EXD3: variants seen among roughly 807,000 people sequenced by gnomAD.
The protein encoded by EXD3 is exonuclease 3'-5' domain containing 3.
In EXD3, 92 loss-of-function variants were observed where a neutral mutation model predicts 98.0. The observed-to-expected ratio is 0.94, with a 90% CI of 0.79 to 1.12. The LOEUF (loss-of-function observed/expected upper bound fraction) is 1.12, where lower values mean the gene tolerates loss of function less well. Ranked by LOEUF, EXD3 falls within the 50% of genes most tolerant of loss-of-function variation. EXD3 has a pLI of 0.00. For synonymous variants in EXD3, 569 were observed against 526.0 expected, an observed-to-expected ratio of 1.08 and a Z score of -1.12; for missense variants, 1,222 against 1,191.6, an observed-to-expected ratio of 1.03 and a Z score of -0.38.
chr9:137,417,112 C>T (rs947827216), intron 1 of EXD3, among the ~76,000 whole-genome samples: 1 of 152,216 alleles, frequency 6.6e-6, no homozygotes, highest in African/African-American at 2.4e-5. Flanking sequence ...CGGGCAAAGC[C>T]GGGGCCGCGT....
intron 13 of EXD3, 80 bp from the exon 14 acceptor site, chr9:137,351,227 C>T: frequency 1.3e-6 from 2 of 1,535,378 alleles, no homozygotes; most frequent in South Asian, 2.4e-5. Context: ...GCACCCAGCA[C>T]CCTCCCCGGG....
At chr9:137,334,324 G>A (rs554689093) in intron 17 of EXD3, among the ~76,000 whole-genome samples, 1 of 152,256 alleles carries the variant, frequency 6.6e-6, no homozygotes, top group Non-Finnish European at 1.5e-5. Flanking sequence ...TTATAGCAAT[G>A]TGAGAAGGGA....
chr9:137,360,024 C>T (rs79163524), intron 7 of EXD3, among the ~76,000 whole-genome samples: 2,084 of 86,728 alleles, frequency 0.024, 638 homozygotes, highest in African/African-American at 0.063. Flanking sequence ...ACCAGCAGTG[C>T]GTGAGGGTTC....
chr9:137,347,354 T>C lies in EXD3; in HGVS notation c.1998+717A>G, dbSNP rs1414880577. 6.6e-6 allele frequency among the ~76,000 whole-genome samples: 1 copy of C among 152,202 alleles called. No homozygotes were observed. Among genetic ancestry groups the C allele is most frequent in the Non-Finnish European group, 1.5e-5 (1 of 68,038 alleles). The stretch of plus-strand genomic sequence containing the variant: ...TGTGGCTGTTGGACTGAGGTTTCCT[T>C]GTGCGGCGTCCTCCATCTTCAAGCC... On this transcript the variant is annotated intron_variant, in intron 17 of 21. Transcript: ENST00000340951. The surrounding 1 kb of genome is among the most constrained non-coding windows in gnomAD (Gnocchi z 4.2).
rs1355588235 is a variant in EXD3 at position 137,403,286 on chromosome 9, C to T, written c.-47-7882G>A. Among the ~76,000 whole-genome samples, 1 of 152,016 alleles carries T rather than the reference C, an allele frequency of 6.6e-6. No homozygotes were observed. The highest frequency in any genetic ancestry group is 1.5e-5 in the Non-Finnish European group (1 of 68,000). On this transcript the variant is annotated intron_variant, in intron 1 of 21. Transcript: ENST00000340951. This position sits in a 1 kb window ranked among gnomAD's most constrained non-coding sequence, Gnocchi z 6.1. The stretch of plus-strand genomic sequence containing the variant: ...GTGACCTGAGGGGCCCCAGAAGATG[C>T]AGACCCGAACGCGTCTCCTCCCGGC...
At chr9:137,412,520 C>T (rs964258451) in intron 1 of EXD3, among the ~76,000 whole-genome samples, 10 of 152,234 alleles carry the variant, frequency 6.6e-5, no homozygotes, top group African/African-American at 9.6e-5. Context: ...AACAGCCCCG[C>T]GGCCACCACT....
At chr9:137,388,982 C>G (rs1473597286) in intron 2 of EXD3, among the ~76,000 whole-genome samples, 1 of 152,204 alleles carries the variant, frequency 6.6e-6, no homozygotes, top group Non-Finnish European at 1.5e-5. Flanking sequence ...CAGCTCCCCT[C>G]AGAGACCCCA....
intron 2 of EXD3, among the ~76,000 whole-genome samples, chr9:137,388,565 A>C (rs957522431): frequency 6.6e-6 from 1 of 152,086 alleles, no homozygotes; most frequent in African/African-American, 2.4e-5. Flanking sequence ...CTTTTTATCC[A>C]CAGGGTTGGG....
chr9:137,368,880 C>T (rs1173318461), intron 5 of EXD3, among the ~76,000 whole-genome samples: 4 of 141,660 alleles, frequency 2.8e-5, no homozygotes, highest in East Asian at 2.2e-4. Context: ...TGGGGAGGGG[C>T]GAAGGTCCGG....
chr9:137,328,008 T>G (rs1832556807), intron 17 of EXD3, among the ~76,000 whole-genome samples: 1 of 152,084 alleles, frequency 6.6e-6, no homozygotes, highest in Non-Finnish European at 1.5e-5. Context: ...GTAAAACAAC[T>G]AATATACTCC....
intron 2 of EXD3, chr9:137,392,708 G>T: frequency 2.8e-6 from 1 of 353,182 alleles, no homozygotes; most frequent in Non-Finnish European, 5.5e-6. Context: ...GTTCTGGGGG[G>T]GCTGTGTCTG....
At chr9:137,334,424 A>T (rs1365841910) in intron 17 of EXD3, among the ~76,000 whole-genome samples, 2 of 152,212 alleles carry the variant, frequency 1.3e-5, no homozygotes, top group Non-Finnish European at 2.9e-5. Context: ...CCAGAAATAA[A>T]GCCAAATACT....
chr9:137,413,219 G>C (rs1447408282), intron 1 of EXD3, among the ~76,000 whole-genome samples: 1 of 149,346 alleles, frequency 6.7e-6, no homozygotes, highest in Non-Finnish European at 1.5e-5. Context: ...TTTTTTTTTT[G>C]AGACGGAGTC....
chr9:137,364,871 C>T (rs193266203), intron 7 of EXD3, among the ~76,000 whole-genome samples: 1 of 151,194 alleles, frequency 6.6e-6, no homozygotes, highest in Non-Finnish European at 1.5e-5. Context: ...TGGGTTCACG[C>T]TATTCTCCTG....
rs759697078 is a variant in EXD3, at chr9:137,373,581, G to C, written c.139C>G (p.Arg47Gly). The change falls in exon 4 of 22, where the codon CGG becomes GGG. Residue 47 changes from arginine to glycine, a missense_variant. By Grantham distance (125) the Arg-to-Gly change is moderately radical (BLOSUM62 -2). Transcript: ENST00000340951. ...GGGTCGTCCAAGGCAGCAAACCCCC[G>C]CCAGGCTTCCTCCCGGAGCTGTGGA... ...ERKQLREEAW[R>G]GFAALDDPLA... 1 of 1,602,084 alleles carries C rather than the reference G, an allele frequency of 6.2e-7. No individual in the cohort carries two copies. Among genetic ancestry groups the C allele is most frequent in the Non-Finnish European group, 8.5e-7 (1 of 1,175,150 alleles).
rs111550666 is a variant in EXD3, at chr9:137,349,276, T to A, written c.1664A>T (p.Asp555Val). 6.4e-7 allele frequency: 1 copy of A among 1,564,720 alleles called. No homozygotes were observed. The highest frequency in any genetic ancestry group is 2.3e-5 in the East Asian group (1 of 42,876). ...GTGCACCTCCAGCAGGCAGTAGGCG[T>A]CGGCAGCTGTGTGGGGAGTCGGCCT... The part of the protein sequence containing the change: ...CEEQVIYAAA[D>V]AYCLLEVHQA... The change falls in exon 16 of 22, where the codon GAC (aspartate) becomes GTC (valine). Residue 555 changes from aspartate to valine, a missense_variant. Coordinates refer to ENST00000340951, the MANE Select transcript of EXD3 (RefSeq NM_017820.5). The surrounding 1 kb of genome is among the most constrained non-coding windows in gnomAD (Gnocchi z 7.4).
rs1028996797 is a variant in EXD3, at chr9:137,324,668, C to T, written c.1999-525G>A. On this transcript the variant is annotated intron_variant, in intron 17 of 21. Transcript: ENST00000340951. This position sits in a 1 kb window ranked among gnomAD's most constrained non-coding sequence, Gnocchi z 4.1. The stretch of plus-strand genomic sequence containing the variant: ...TGTGAGTATGAGAGTTTTCAGCTGA[C>T]AAAGGAGATACAAAATTAAAATTAA... 6.6e-6 allele frequency among the ~76,000 whole-genome samples: 1 copy of T among 152,140 alleles called. No individual in the cohort carries two copies. Among genetic ancestry groups the T allele is most frequent in the Admixed American group, 6.5e-5 (1 of 15,276 alleles).
In EXD3 at chr9:137,414,808, G is replaced by T. The variant is rs1256588835; in HGVS notation, c.-48+8306C>A. On this transcript the variant is annotated intron_variant, in intron 1 of 21. Coordinates refer to ENST00000340951, the MANE Select transcript of EXD3 (RefSeq NM_017820.5). ...ACACCGCCACTCCAGGGGGGTGCTGGCATGTTTGGCCCCCGTGGGCTCCAC... is the reference window on the plus strand; with the variant it reads ...ACACCGCCACTCCAGGGGGGTGCTGTCATGTTTGGCCCCCGTGGGCTCCAC... 3.3e-5 allele frequency among the ~76,000 whole-genome samples: 5 copies of T among 152,312 alleles called. No homozygotes were observed. The South Asian group carries it at 1.0e-3, about 32-fold the overall frequency.
At chr9:137,376,441 C>G (rs1001195684) in intron 3 of EXD3, among the ~76,000 whole-genome samples, 1 of 151,388 alleles carries the variant, frequency 6.6e-6, no homozygotes, top group African/African-American at 2.4e-5. Context: ...TATCCATGTG[C>G]TTAGAGGCTC....
Sources: allele counts gnomAD v4.1 joint callset (sites outside exome capture counted in the v4.1 genomes callset), GRCh38; gene constraint gnomAD v4.1.1; non-coding constraint Gnocchi (gnomAD v3.1); transcripts MANE v1.5; gene names NCBI Gene and HGNC (gene_info 2026-07-23, HGNC 2026-07-21).